The following DNAH11 variants were observed in gnomAD, a reference collection of about 807,000 sequenced individuals.
DNAH11 encodes dynein axonemal heavy chain 11.
A neutral mutation model predicts 526.0 loss-of-function variants in DNAH11; 442 were observed. That is an observed-to-expected ratio of 0.84 (90% CI 0.78 to 0.91). The LOEUF is 0.91. Among genes scored for constraint, DNAH11 ranks in the 40% least tolerant of loss-of-function variants. The probability of loss-of-function intolerance (pLI) is 0.00; values close to 1 mark genes in which losing one functional copy is unlikely to be tolerated. For missense variants in DNAH11, 6,989 were observed against 5,448.7 expected, an observed-to-expected ratio of 1.28 and a Z score of -8.90; for synonymous variants, 2,461 against 1,935.9, an observed-to-expected ratio of 1.27 and a Z score of -7.12.
At chr7:21,854,824 T>A (rs927105587) in intron 68 of DNAH11, among the ~76,000 whole-genome samples, 3 of 152,124 alleles carry the variant, frequency 2.0e-5, no homozygotes, top group African/African-American at 7.2e-5. Context: ...AGTACAGGCG[T>A]GAACCACCGC....
chr7:21,607,083 C>T (rs977239196), intron 20 of DNAH11, among the ~76,000 whole-genome samples: 2 of 152,114 alleles, frequency 1.3e-5, no homozygotes, highest in Non-Finnish European at 2.9e-5. Context: ...CACTCTGAGT[C>T]TCAAAACCTC....
chr7:21,586,301 A>G (rs920668039), intron 9 of DNAH11, among the ~76,000 whole-genome samples: 3 of 152,202 alleles, frequency 2.0e-5, no homozygotes, highest in African/African-American at 7.2e-5. Flanking sequence ...GTTGGAATAT[A>G]CTTTTTTGTT....
intron 30 of DNAH11, among the ~76,000 whole-genome samples, chr7:21,659,429 T>C (rs534164829): frequency 2.2e-4 from 33 of 152,020 alleles, no homozygotes; most frequent in African/African-American, 7.7e-4. Flanking sequence ...GGTTTTCTGT[T>C]AATTATAAAT....
Position 21,590,926 on chromosome 7 carries a change from T to C in DNAH11, c.2178T>C (p.Ala726=), listed in dbSNP as rs1784651280. 3 of 1,465,578 alleles carry C rather than the reference T, an allele frequency of 2.0e-6. No homozygotes were observed. The highest frequency in any genetic ancestry group is 2.7e-6 in the Non-Finnish European group (3 of 1,113,246). The allele number at this position is 1,465,578 out of a possible 1,614,324, so 90.8% of individuals were successfully genotyped here. The change falls in exon 13 of 82, where the codon GCT becomes GCC. Residue 726 remains alanine (A), a synonymous_variant. Transcript: ENST00000409508. The part of the protein sequence containing the change: ...LCVNFDPKLV[A]VLREVKYLLM... ...TAATTGTATTTTAATAGCTAGTGGC[T>C]GTATTGAGAGAAGTGAAATATCTTT...
In DNAH11 at chr7:21,710,581, T is replaced by G. The variant is rs1375628599; in HGVS notation, c.6712T>G (p.Phe2238Val). 2 of 1,612,126 alleles carry G rather than the reference T, an allele frequency of 1.2e-6. No individual in the cohort carries two copies. The highest frequency in any genetic ancestry group is 1.7e-6 in the Non-Finnish European group (2 of 1,178,606). ...TGTTTACTCTTATTTTATAGGTCTC[T>G]TCTCATCCATTCTACGAGAACAAGC... ...KIVYSYFIGL[F>V]SSILREQANL... The change falls in exon 41 of 82, where the codon TTC becomes GTC. Residue 2238 changes from phenylalanine to valine, a missense_variant. Transcript: ENST00000409508.
At chr7:21,608,119 T>C (rs1218752598) in intron 20 of DNAH11, among the ~76,000 whole-genome samples, 1 of 151,624 alleles carries the variant, frequency 6.6e-6, no homozygotes, top group East Asian at 1.9e-4. Flanking sequence ...CTTTTAACCA[T>C]AGTCAAGGAA....
chr7:21,656,343 G>C (rs904327981), intron 29 of DNAH11, among the ~76,000 whole-genome samples: 1 of 152,162 alleles, frequency 6.6e-6, no homozygotes, highest in Admixed American at 6.6e-5. Context: ...AACAGAGAAG[G>C]GTTATAGTGA....
chr7:21,796,838 A>C (rs1028440188), intron 61 of DNAH11, among the ~76,000 whole-genome samples: 1 of 152,218 alleles, frequency 6.6e-6, no homozygotes, highest in Non-Finnish European at 1.5e-5. Context: ...AACACATGTC[A>C]AATACTTAGA....
intron 76 of DNAH11, among the ~76,000 whole-genome samples, chr7:21,887,683 T>C (rs1784176055): frequency 6.6e-6 from 1 of 152,154 alleles, no homozygotes; most frequent in Non-Finnish European, 1.5e-5. Flanking sequence ...AAGTATACAT[T>C]TTCATTATAT....
chr7:21,850,109 C>T (rs996968784), intron 66 of DNAH11, among the ~76,000 whole-genome samples: 2 of 151,810 alleles, frequency 1.3e-5, no homozygotes, highest in Non-Finnish European at 2.9e-5. Flanking sequence ...GTAATCCCAG[C>T]ACTTTGGGAG....
At chr7:21,575,355 G>C (rs1784049339) in intron 8 of DNAH11, among the ~76,000 whole-genome samples, 1 of 152,160 alleles carries the variant, frequency 6.6e-6, no homozygotes, top group African/African-American at 2.4e-5. Flanking sequence ...GCTTTATTCA[G>C]GTGCCTTGTT....
intron 26 of DNAH11, among the ~76,000 whole-genome samples, chr7:21,636,629 T>C (rs1402353556): frequency 6.6e-6 from 1 of 152,116 alleles, no homozygotes; most frequent in Non-Finnish European, 1.5e-5. Flanking sequence ...TCCTAGCTAC[T>C]TGGGAGGCTG....
intron 25 of DNAH11, among the ~76,000 whole-genome samples, chr7:21,622,486 C>A (rs1033439505): frequency 7.2e-5 from 11 of 152,082 alleles, no homozygotes; most frequent in Admixed American, 4.6e-4. Context: ...GTTCATATGG[C>A]ACCAAAAAAG....
At chr7:21,798,282 G>A (rs904575834) in intron 61 of DNAH11, among the ~76,000 whole-genome samples, 18 of 152,162 alleles carry the variant, frequency 1.2e-4, no homozygotes, top group African/African-American at 4.3e-4. Flanking sequence ...TTTTAGTAGA[G>A]ATGGAGTTTC....
chr7:21,644,335 A>T (rs537630272), intron 28 of DNAH11, among the ~76,000 whole-genome samples: 16 of 152,318 alleles, frequency 1.1e-4, no homozygotes, highest in South Asian at 8.3e-4. Flanking sequence ...CAGCATATGA[A>T]TTTTAAGAGG....
intron 54 of DNAH11, among the ~76,000 whole-genome samples, chr7:21,760,433 G>A (rs138016927): frequency 1.2e-3 from 178 of 152,238 alleles, no homozygotes; most frequent in African/African-American, 4.0e-3. Context: ...TTCCATGGAA[G>A]GATTCAGCTG....
chr7:21,789,229 A>G lies in DNAH11; in HGVS notation c.9925-12A>G, dbSNP rs1323403335. 6.5e-7 allele frequency: 1 copy of G among 1,546,950 alleles called. No individual in the cohort carries two copies. The highest frequency in any genetic ancestry group is 1.9e-5 in the Admixed American group (1 of 51,808). On this transcript the variant is annotated splice_polypyrimidine_tract_variant and intron_variant, in intron 60 of 81. Coordinates refer to ENST00000409508, the MANE Select transcript of DNAH11 (RefSeq NM_001277115.2). ...ATCCTCTTTGTATCTGTATTAATTC[A>G]TGAATTTTCAGGTCTACTGTGATGT...
At chr7:21,716,142 T>G (rs1312486294) in intron 42 of DNAH11, among the ~76,000 whole-genome samples, 2 of 152,154 alleles carry the variant, frequency 1.3e-5, no homozygotes, top group East Asian at 3.9e-4. Flanking sequence ...AATGGCTTTC[T>G]GCTCCCACAG....
intron 20 of DNAH11, among the ~76,000 whole-genome samples, chr7:21,607,600 A>G (rs1221452175): frequency 1.3e-5 from 2 of 152,010 alleles, no homozygotes; most frequent in African/African-American, 2.4e-5. Context: ...CAGTCTCCCT[A>G]TGATATGGCT....
Sources: allele counts gnomAD v4.1 joint callset (sites outside exome capture counted in the v4.1 genomes callset), GRCh38; gene constraint gnomAD v4.1.1; transcripts MANE v1.5; gene names NCBI Gene and HGNC (gene_info 2026-07-23, HGNC 2026-07-21).